MED13L: variants seen among roughly 807,000 people sequenced by gnomAD.
MED13L encodes the protein mediator complex subunit 13L.
In MED13L, 7 loss-of-function variants were observed where a neutral mutation model predicts 220.9. That is an observed-to-expected ratio of 0.03 (90% CI 0.02 to 0.06). The LOEUF is 0.06. Ranked by LOEUF, MED13L falls within the 10% of genes least tolerant of loss-of-function variation. The probability of loss-of-function intolerance (pLI) is 1.00; values close to 1 mark genes in which losing one functional copy is unlikely to be tolerated. For synonymous variants in MED13L, 1,011 were observed against 1,015.2 expected, an observed-to-expected ratio of 1.00 and a Z score of 0.08; for missense variants, 1,965 against 2,760.5, an observed-to-expected ratio of 0.71 and a Z score of 6.46.
chr12:115,969,799 C>G (rs558615689), intron 27 of MED13L, among the ~76,000 whole-genome samples: 53 of 152,132 alleles, frequency 3.5e-4, no homozygotes, highest in African/African-American at 1.2e-3. Context: ...GCTAGGATTA[C>G]AGGCATAAGC....
Position 116,109,077 on chromosome 12 carries a change from TTTTTTTTTTTG to T in MED13L, c.395+2340_395+2350del, listed in dbSNP as rs1325553995. The stretch of plus-strand genomic sequence containing the variant: ...TTAATTTCCTTTTTTTTTTTTTTTT[TTTTTTTTTTTG>T]GAAACAGGGTCTCACTCTGTCACCC... On this transcript the variant is annotated intron_variant, in intron 3 of 30. Coordinates refer to ENST00000281928, the MANE Select transcript of MED13L (RefSeq NM_015335.5). 3.1e-4 allele frequency among the ~76,000 whole-genome samples: 23 copies of T among 75,040 alleles called. 2 individuals are homozygous for T. The highest frequency in any genetic ancestry group is 1.1e-3 in the African/African-American group (12 of 11,224). 49.2% of individuals were successfully genotyped at this position (75,040 alleles called of 152,430 possible).
At chr12:116,041,671 C>T (rs1439349839) in intron 4 of MED13L, among the ~76,000 whole-genome samples, 1 of 152,166 alleles carries the variant, frequency 6.6e-6, no homozygotes, top group Non-Finnish European at 1.5e-5. Context: ...GGTGAAACCC[C>T]GTCTCTACCA....
At chr12:116,111,569 AAAAG>A in intron 2 of MED13L, 57 bp from the exon 3 acceptor site, 1 of 1,354,780 alleles carries the variant, frequency 7.4e-7, no homozygotes, top group Middle Eastern at 1.9e-4. Flanking sequence ...CATCCAAATA[AAAAG>A]AAACTTTTAA....
chr12:115,965,810 C>G (rs1056687626), intron 29 of MED13L, among the ~76,000 whole-genome samples: 2 of 151,990 alleles, frequency 1.3e-5, no homozygotes, highest in Non-Finnish European at 2.9e-5. Context: ...CACATTGAAC[C>G]CCATGCATCC....
chr12:116,225,100 A>G (rs1868835559), intron 2 of MED13L, among the ~76,000 whole-genome samples: 1 of 152,188 alleles, frequency 6.6e-6, no homozygotes, highest in Non-Finnish European at 1.5e-5. Context: ...TGGGCAACTG[A>G]GCTGAATCAG....
chr12:116,020,564 G>A (rs1161141028), intron 5 of MED13L, among the ~76,000 whole-genome samples: 1 of 152,150 alleles, frequency 6.6e-6, no homozygotes, highest in African/African-American at 2.4e-5. Flanking sequence ...AAAGCTTGAA[G>A]CATAATAGTT....
intron 2 of MED13L, among the ~76,000 whole-genome samples, chr12:116,175,318 G>A (rs1840583406): frequency 6.6e-6 from 1 of 152,064 alleles, no homozygotes; most frequent in African/African-American, 2.4e-5. Flanking sequence ...ATTATGTGAG[G>A]TTTTTATAAA....
At chr12:116,151,789 C>A (rs1297710697) in intron 2 of MED13L, among the ~76,000 whole-genome samples, 1 of 152,118 alleles carries the variant, frequency 6.6e-6, no homozygotes, top group East Asian at 1.9e-4. Flanking sequence ...GACAGAGGGG[C>A]AAAAGGTAAA....
rs143333719 is a variant in MED13L at position 116,239,441 on chromosome 12, ATACTTTT to A, written c.73-1743_73-1737del. ...ATGTCCTTCCTCTTTTTCTGTACATATACTTTTTAAAGTTGGAACCATATTGCATGAT... is the reference window on the plus strand; with the variant it reads ...ATGTCCTTCCTCTTTTTCTGTACATATAAAGTTGGAACCATATTGCATGAT... On this transcript the variant is annotated intron_variant, in intron 1 of 30. Transcript: ENST00000281928. 4.4e-3 allele frequency among the ~76,000 whole-genome samples: 667 copies of A among 152,304 alleles called. 6 individuals are homozygous for A. Among genetic ancestry groups the A allele is most frequent in the African/African-American group, 0.015 (619 of 41,578 alleles).
chr12:116,031,765 AAG>A (rs1880848302), intron 4 of MED13L, among the ~76,000 whole-genome samples: 7 of 133,578 alleles, frequency 5.2e-5, no homozygotes, highest in South Asian at 2.5e-4. Context: ...GAAAAGAAGG[AAG>A]GAAGGAAGGA....
chr12:116,098,227 C>A (rs999903978), intron 3 of MED13L, among the ~76,000 whole-genome samples: 79 of 151,596 alleles, frequency 5.2e-4, no homozygotes, highest in African/African-American at 1.8e-3. Flanking sequence ...GCCTGGGCAA[C>A]AAGAGCGAAA....
intron 1 of MED13L, among the ~76,000 whole-genome samples, chr12:116,237,947 C>A (rs1430551538): frequency 1.3e-5 from 2 of 152,134 alleles, no homozygotes; most frequent in Non-Finnish European, 2.9e-5. Flanking sequence ...AGCTGATAAT[C>A]ATTATTTCCT....
chr12:116,018,091 T>A (rs1416345793), intron 7 of MED13L, among the ~76,000 whole-genome samples: 1 of 152,174 alleles, frequency 6.6e-6, no homozygotes, highest in Non-Finnish European at 1.5e-5. Flanking sequence ...TTGCTACCAC[T>A]TGTATATGAC....
rs746608608 is a variant in MED13L at position 115,984,253 on chromosome 12, C to G, written c.4458G>C (p.Gln1486His). 6.2e-7 allele frequency: 1 copy of G among 1,613,928 alleles called. No individual in the cohort carries two copies. The highest frequency in any genetic ancestry group is 8.5e-7 in the Non-Finnish European group (1 of 1,180,000). ...TGTCATTCTCCTCGCCGCTCCAAGG[C>G]TGGTTAAACCACTCACTCACAAGCT... ...TDELVSEWFN[Q>H]PWSGEENDNH... Residue 1486 changes from glutamine (Q) to histidine (H), a missense_variant, in exon 20 of 31, where the codon CAG becomes CAC. Physicochemically the swap from Gln to His is conservative, Grantham distance 24. Around this residue, in one of 10 missense-constraint regions of MED13L, gnomAD observed 510 missense variants for 620.4 expected, o/e 0.82. Transcript: ENST00000281928.
intron 2 of MED13L, among the ~76,000 whole-genome samples, chr12:116,173,281 C>T (rs1036303424): frequency 6.6e-6 from 1 of 152,096 alleles, no homozygotes; most frequent in Non-Finnish European, 1.5e-5. Flanking sequence ...ACTTCAATGG[C>T]TAAATATAAC....
At chr12:115,980,517 T>C in intron 23 of MED13L, 1 of 570,410 alleles carries the variant, frequency 1.8e-6, no homozygotes, top group Non-Finnish European at 3.1e-6. Context: ...AGAGATGGGG[T>C]CTTGCTATGT....
chr12:116,251,308 CTTTTTTTTTT>C (rs61533775), intron 1 of MED13L, among the ~76,000 whole-genome samples: 16,805 of 87,846 alleles, frequency 0.19, 925 homozygotes, highest in Middle Eastern at 0.31. Flanking sequence ...ATCATGGATC[CTTTTTTTTTT>C]TTTTTTTTTT....
At chr12:116,092,394 G>A (rs1203159662) in intron 4 of MED13L, among the ~76,000 whole-genome samples, 2 of 152,196 alleles carry the variant, frequency 1.3e-5, no homozygotes, top group African/African-American at 4.8e-5. Flanking sequence ...TGGAGAGAAG[G>A]CGTACCACTC....
At chr12:116,256,228 T>C (rs1872026925) in intron 1 of MED13L, among the ~76,000 whole-genome samples, 2 of 148,426 alleles carry the variant, frequency 1.3e-5, no homozygotes, top group African/African-American at 5.0e-5. Flanking sequence ...CAAAAAGCAG[T>C]ACATTAATTT....
Sources: allele counts gnomAD v4.1 joint callset (sites outside exome capture counted in the v4.1 genomes callset), GRCh38; gene constraint gnomAD v4.1.1; regional missense constraint gnomAD v4.1.1; transcripts MANE v1.5; gene names NCBI Gene and HGNC (gene_info 2026-07-23, HGNC 2026-07-21).